CDH20: variants seen among roughly 807,000 people sequenced by gnomAD.
CDH20 encodes the protein cadherin 20.
CDH20 carries 29 observed loss-of-function variants against 74.2 expected under a neutral mutation model. The observed-to-expected ratio is 0.39, with a 90% confidence interval of 0.29 to 0.53. The LOEUF (loss-of-function observed/expected upper bound fraction) is 0.53, where lower values mean the gene tolerates loss of function less well. Among genes scored for constraint, CDH20 ranks in the 20% least tolerant of loss-of-function variants. The pLI, the probability that CDH20 is intolerant of heterozygous loss-of-function variation, is 0.69. For synonymous variants in CDH20, 469 were observed against 405.4 expected, an observed-to-expected ratio of 1.16 and a Z score of -1.88; for missense variants, 988 against 1,048.3, an observed-to-expected ratio of 0.94 and a Z score of 0.79.
chr18:61,514,744 T>C (rs1284297040), intron 6 of CDH20, among the ~76,000 whole-genome samples: 4 of 151,686 alleles, frequency 2.6e-5, no homozygotes, highest in African/African-American at 9.7e-5. Context: ...TGCAGGTCTG[T>C]TGGAATACCC....
intron 1 of CDH20, among the ~76,000 whole-genome samples, chr18:61,337,710 A>G (rs1056560454): frequency 2.0e-5 from 3 of 152,210 alleles, no homozygotes; most frequent in African/African-American, 7.2e-5. Flanking sequence ...AGGCACTGTC[A>G]TCAACTCCTT....
At chr18:61,390,273 A>T (rs1335482608) in intron 1 of CDH20, among the ~76,000 whole-genome samples, 2 of 152,246 alleles carry the variant, frequency 1.3e-5, no homozygotes, top group Non-Finnish European at 2.9e-5. Flanking sequence ...AGTGAAATAC[A>T]TAATATACAG....
At chr18:61,399,096 T>C (rs1912079725) in intron 1 of CDH20, among the ~76,000 whole-genome samples, 1 of 152,328 alleles carries the variant, frequency 6.6e-6, no homozygotes, top group Non-Finnish European at 1.5e-5. Context: ...ATGAAACTTT[T>C]ATCAACATGA....
chr18:61,439,875 G>A (rs1470025351), intron 1 of CDH20, among the ~76,000 whole-genome samples: 2 of 152,050 alleles, frequency 1.3e-5, no homozygotes, highest in Admixed American at 6.6e-5. Context: ...AACATTTTTG[G>A]CATATTCCTA....
At chr18:61,372,992 G>C (rs899449271) in intron 1 of CDH20, among the ~76,000 whole-genome samples, 4 of 152,080 alleles carry the variant, frequency 2.6e-5, no homozygotes, top group African/African-American at 9.7e-5. Context: ...CCAAAAGGAG[G>C]CTGAATGGAC....
chr18:61,470,322 T>C (rs1011264364), intron 1 of CDH20, among the ~76,000 whole-genome samples: 5 of 152,228 alleles, frequency 3.3e-5, no homozygotes, highest in Non-Finnish European at 7.3e-5. Flanking sequence ...CTACGCCGTA[T>C]TGTTAATGGT....
At chr18:61,434,224 AT>A (rs1246362271) in intron 1 of CDH20, among the ~76,000 whole-genome samples, 1 of 152,132 alleles carries the variant, frequency 6.6e-6, no homozygotes, top group African/African-American at 2.4e-5. Context: ...TAATTGGCCC[AT>A]TTCATCTATT....
intron 1 of CDH20, among the ~76,000 whole-genome samples, chr18:61,390,776 G>T: frequency 6.6e-6 from 1 of 151,380 alleles, no homozygotes; most frequent in South Asian, 2.1e-4. Flanking sequence ...AGGAAATAGT[G>T]GTTATTCAAG....
chr18:61,427,774 A>G (rs1023090978), intron 1 of CDH20, among the ~76,000 whole-genome samples: 4 of 152,238 alleles, frequency 2.6e-5, no homozygotes, highest in African/African-American at 9.6e-5. Context: ...CATGATCTCT[A>G]GAATCCCCTC....
At chr18:61,384,182 T>G (rs1265366590) in intron 1 of CDH20, among the ~76,000 whole-genome samples, 1 of 152,184 alleles carries the variant, frequency 6.6e-6, no homozygotes, top group East Asian at 1.9e-4. Context: ...ATTAGAGACC[T>G]TTAAAAATAG....
intron 5 of CDH20, among the ~76,000 whole-genome samples, 186 bp from the exon 6 acceptor site, chr18:61,507,187 G>A (rs1366152240): frequency 6.6e-6 from 1 of 152,088 alleles, no homozygotes; most frequent in Non-Finnish European, 1.5e-5. Context: ...ATCCAATACA[G>A]GCTATGGCCT....
chr18:61,489,731 T>C (rs1311033096), intron 1 of CDH20, among the ~76,000 whole-genome samples: 2 of 152,112 alleles, frequency 1.3e-5, no homozygotes, highest in Non-Finnish European at 2.9e-5. Flanking sequence ...AATGATCAAC[T>C]GACCATTTAA....
At chr18:61,552,834 T>C (rs1195136128) in intron 11 of CDH20, among the ~76,000 whole-genome samples, 1 of 152,212 alleles carries the variant, frequency 6.6e-6, no homozygotes, top group African/African-American at 2.4e-5. Context: ...GCATGCTCAC[T>C]TCGAATCTCA....
At chr18:61,336,729 C>A (rs548662925) in intron 1 of CDH20, among the ~76,000 whole-genome samples, 1 of 149,184 alleles carries the variant, frequency 6.7e-6, no homozygotes, top group East Asian at 2.0e-4. Context: ...TGGGGTTTTG[C>A]TGATGGTGTT....
intron 1 of CDH20, among the ~76,000 whole-genome samples, chr18:61,446,396 C>G (rs908884824): frequency 6.6e-6 from 1 of 152,144 alleles, no homozygotes; most frequent in African/African-American, 2.4e-5. Context: ...GCTCTCACTA[C>G]CTTACTTGCT....
At position 61,550,183 on chromosome 18, in the gene CDH20, C is replaced by T. The variant is rs1220963432; in HGVS notation, c.1854C>T (p.Ser618=). Residue 618 remains serine, a synonymous_variant, in exon 11 of 12, where the codon AGC becomes AGT. Coordinates refer to ENST00000262717, the MANE Select transcript of CDH20 (RefSeq NM_031891.4). ...CCTACATGCTCCCAGTCAGTTTGAG[C>T]CGGGGCGCCCTCATTGCCATCCTCG... The part of the protein sequence containing the change: ...PEAYMLPVSL[S]RGALIAILAC... 2 of 1,614,036 alleles carry T rather than the reference C, an allele frequency of 1.2e-6. No homozygotes were observed. The highest frequency in any genetic ancestry group is 1.7e-6 in the Non-Finnish European group (2 of 1,180,026).
At chr18:61,428,898 C>G (rs1444494216) in intron 1 of CDH20, among the ~76,000 whole-genome samples, 1 of 152,228 alleles carries the variant, frequency 6.6e-6, no homozygotes, top group African/African-American at 2.4e-5. Flanking sequence ...CGCTAGAACA[C>G]CTATTCAAGA....
chr18:61,417,570 G>A (rs1023756857), intron 1 of CDH20, among the ~76,000 whole-genome samples: 1 of 47,314 alleles, frequency 2.1e-5, no homozygotes, highest in African/African-American at 8.0e-5. Flanking sequence ...TTACTCAGAT[G>A]TGGGAGCTAA....
At position 61,458,711 on chromosome 18, in the gene CDH20, G is replaced by A. The variant is rs144494779; in HGVS notation, c.-152-31691G>A. Among the ~76,000 whole-genome samples, 458 of 152,350 alleles carry A rather than the reference G, an allele frequency of 3.0e-3. 1 individual carries two copies. The highest frequency in any genetic ancestry group is 4.3e-3 in the Non-Finnish European group (293 of 68,036). ...CTAGATTGCACATAAGCATCTGAAAGCAGAAATCAGCCCTGCAATTGCATG... is the reference window on the plus strand; with the variant it reads ...CTAGATTGCACATAAGCATCTGAAAACAGAAATCAGCCCTGCAATTGCATG... On this transcript the variant is annotated intron_variant, in intron 1 of 11. Coordinates refer to ENST00000262717, the MANE Select transcript of CDH20 (RefSeq NM_031891.4).
Sources: gnomAD v4.1 joint callset for allele counts (sites outside exome capture counted in the v4.1 genomes callset) on GRCh38, gnomAD v4.1.1 for gene constraint, MANE v1.5 for transcripts, NCBI Gene and HGNC (gene_info 2026-07-23, HGNC 2026-07-21) for gene names.